The following C17orf99 variants were observed in gnomAD, a reference collection of about 807,000 sequenced individuals.
C17orf99 encodes the protein chromosome 17 open reading frame 99.
A neutral mutation model predicts 22.6 loss-of-function variants in C17orf99; 18 were observed. The observed-to-expected ratio is 0.80, with a 90% CI of 0.55 to 1.18. The LOEUF (loss-of-function observed/expected upper bound fraction) is 1.18. C17orf99 is among the 50% of genes most tolerant of loss of function. The probability of loss-of-function intolerance (pLI) is 0.00; values close to 1 mark genes in which losing one functional copy is unlikely to be tolerated. For synonymous variants in C17orf99, 147 were observed against 136.6 expected (o/e 1.08, Z -0.53); for missense variants, 328 against 342.7 (o/e 0.96, Z 0.34).
rs1258968220 is a variant in C17orf99, at chr17:78,146,921, A to G, written c.70+10A>G. ...AAGGCACGGGAGGAAGGTAAGTGGC[A>G]TAGCCTGCTGCAGGGAGAAGTCCCC... is the stretch of plus-strand genomic sequence containing the variant. On this transcript the variant is annotated intron_variant, in intron 2 of 4. Transcript: ENST00000340363. The surrounding 1 kb of genome is among the most constrained non-coding windows in gnomAD (Gnocchi z 5.2). The G allele has an allele frequency of 3.9e-6, 6 of 1,551,272 alleles. No homozygotes were observed. In the African/African-American group the frequency reaches 8.2e-5, roughly 21 times the overall value.
chr17:78,165,191 G>C (rs73375796), intron 4 of C17orf99: 3 of 991,982 alleles, frequency 3.0e-6, no homozygotes, highest in African/African-American at 1.7e-5. Context: ...TGCTCTGCCT[G>C]TCTGGCTTTG....
At chr17:78,147,204 G>A (rs952048334) in intron 2 of C17orf99, among the ~76,000 whole-genome samples, 1 of 152,188 alleles carries the variant, frequency 6.6e-6, no homozygotes, top group Non-Finnish European at 1.5e-5. Context: ...CTGGGCAGGT[G>A]CATCCTCATC....
At chr17:78,165,589 G>C (rs2075611331) in intron 4 of C17orf99, 1 of 984,042 alleles carries the variant, frequency 1.0e-6, no homozygotes, top group African/African-American at 1.7e-5. Flanking sequence ...AATCACCTGA[G>C]GTCAGGAGTT....
intron 2 of C17orf99, chr17:78,158,243 C>T (rs2075543888): frequency 3.5e-6 from 2 of 571,494 alleles, no homozygotes; most frequent in Admixed American, 4.2e-5. Flanking sequence ...AAGAGGCCCC[C>T]TCCCCCAGGC....
chr17:78,153,252 C>A (rs530628403), intron 2 of C17orf99, among the ~76,000 whole-genome samples: 38 of 151,616 alleles, frequency 2.5e-4, no homozygotes, highest in Non-Finnish European at 4.6e-4. Context: ...GGGAGGCCGA[C>A]GGGGGTGGAT....
upstream of C17orf99, among the ~76,000 whole-genome samples, chr17:78,146,019 C>T (rs1057012079): frequency 6.6e-6 from 1 of 152,110 alleles, no homozygotes; most frequent in Non-Finnish European, 1.5e-5. This position sits in a 1 kb window ranked among gnomAD's most constrained non-coding sequence, Gnocchi z 5.2. Context: ...AACTCCTGAC[C>T]TCAGGTGATC....
intron 2 of C17orf99, among the ~76,000 whole-genome samples, chr17:78,148,631 T>G (rs1598939413): frequency 1.3e-5 from 2 of 149,178 alleles, no homozygotes; most frequent in East Asian, 2.0e-4. Context: ...CAGGGGAGGG[T>G]GGAGTTTGGG....
rs61753923 is a variant in C17orf99, at chr17:78,158,208, C to T, written c.71-2747C>T. 4.6e-3 allele frequency: 3,070 copies of T among 666,422 alleles called. 69 individuals are homozygous for T. In the African/African-American group the frequency reaches 0.049, roughly 11 times the overall value. 41.3% of individuals were successfully genotyped at this position (666,422 alleles called of 1,614,324 possible). A position where few individuals can be genotyped will look rare whatever the true frequency, so the allele number is the denominator to read the frequency against. On this transcript the variant is annotated intron_variant, in intron 2 of 4. Coordinates refer to ENST00000340363, the MANE Select transcript of C17orf99 (RefSeq NM_001163075.2). The stretch of plus-strand genomic sequence containing the variant: ...GCTGCAATCAAGGCTCCCAGGGTGG[C>T]GGTGGTGGCAGCAGTGATCCTCCCA...
At chr17:78,146,368 G>T (rs939652986), upstream of C17orf99, 1 of 1,545,838 alleles carries the variant, frequency 6.5e-7, no homozygotes, top group Non-Finnish European at 8.7e-7. This position sits in a 1 kb window ranked among gnomAD's most constrained non-coding sequence, Gnocchi z 5.2. Context: ...GAACTAGGAG[G>T]TTCTCACTGC....
chr17:78,157,971 C>A, intron 2 of C17orf99: 1 of 1,239,132 alleles, frequency 8.1e-7, no homozygotes, highest in Non-Finnish European at 1.2e-6. Flanking sequence ...TGCCTGTCAA[C>A]TCATAACATG....
intron 2 of C17orf99, among the ~76,000 whole-genome samples, chr17:78,159,824 G>A (rs143691709): frequency 2.0e-5 from 3 of 152,170 alleles, no homozygotes; most frequent in Non-Finnish European, 2.9e-5. Flanking sequence ...TCATGCAACC[G>A]TTGCCCTTTG....
chr17:78,156,845 T>G (rs1183469036), intron 2 of C17orf99, among the ~76,000 whole-genome samples: 2 of 151,966 alleles, frequency 1.3e-5, no homozygotes, highest in Non-Finnish European at 1.5e-5. Flanking sequence ...TCTCCGAGGC[T>G]CAAGCAATCC....
intron 2 of C17orf99, among the ~76,000 whole-genome samples, chr17:78,157,058 G>A (rs985217450): frequency 1.1e-4 from 17 of 152,014 alleles, no homozygotes; most frequent in Admixed American, 2.6e-4. Context: ...GGCCGTGCAC[G>A]GTGGCTCACG....
At chr17:78,154,072 C>T (rs193280272) in intron 2 of C17orf99, among the ~76,000 whole-genome samples, 2,338 of 151,528 alleles carry the variant, frequency 0.015, 46 homozygotes, top group African/African-American at 0.054. Flanking sequence ...ACTACAGGCT[C>T]GAGCCACCAC....
intron 2 of C17orf99, among the ~76,000 whole-genome samples, chr17:78,149,174 A>G (rs1207533217): frequency 6.6e-6 from 1 of 151,744 alleles, no homozygotes; most frequent in South Asian, 2.1e-4. Flanking sequence ...TCTAATGAAA[A>G]TACAAAAATT....
chr17:78,156,189 G>A (rs1023268477), intron 2 of C17orf99, among the ~76,000 whole-genome samples: 2 of 151,578 alleles, frequency 1.3e-5, no homozygotes, highest in African/African-American at 4.8e-5. Flanking sequence ...AATTAGCTGG[G>A]TGTGGTTGTG....
At chr17:78,145,822 A>G (rs2004339), upstream of C17orf99, among the ~76,000 whole-genome samples, 78,793 of 141,830 alleles carry the variant, frequency 0.56, 22,284 homozygotes, top group Middle Eastern at 0.71. Context: ...TTGAGATGGA[A>G]TCTCACTCTG....
intron 2 of C17orf99, chr17:78,157,307 C>T (rs943749550): frequency 1.4e-5 from 6 of 441,316 alleles, no homozygotes; most frequent in Middle Eastern, 7.8e-4. Context: ...CAGGTGCCTG[C>T]GTACTAAGAC....
At chr17:78,158,703 G>C (rs2075548970) in intron 2 of C17orf99, 1 of 166,622 alleles carries the variant, frequency 6.0e-6, no homozygotes, top group African/African-American at 2.4e-5. Flanking sequence ...AGCAAGCGAA[G>C]CCGTGGCTTT....
Sources: allele counts gnomAD v4.1 joint callset (sites outside exome capture counted in the v4.1 genomes callset), GRCh38; gene constraint gnomAD v4.1.1; non-coding constraint Gnocchi (gnomAD v3.1); transcripts MANE v1.5; gene names NCBI Gene and HGNC (gene_info 2026-07-23, HGNC 2026-07-21).